TTPA: variants seen among roughly 807,000 people sequenced by gnomAD.
TTPA encodes alpha tocopherol transfer protein, also known as alpha-tocopherol transfer protein.
In TTPA, 23 loss-of-function variants were observed where a neutral mutation model predicts 25.9. That is an observed-to-expected ratio of 0.89 (90% CI 0.64 to 1.26). The LOEUF (loss-of-function observed/expected upper bound fraction) is 1.26. Ranked by LOEUF, TTPA falls within the 50% of genes most tolerant of loss-of-function variation. The probability of loss-of-function intolerance (pLI) is 0.00; values close to 1 mark genes in which losing one functional copy is unlikely to be tolerated. For synonymous variants in TTPA, 148 were observed against 137.3 expected (o/e 1.08, Z -0.54); for missense variants, 337 against 353.1 (o/e 0.95, Z 0.37).
rs556621606 is a variant in TTPA at position 63,074,922 on chromosome 8, A to G, written c.205-1834T>C. Among the ~76,000 whole-genome samples the G allele has an allele frequency of 3.3e-5, 5 of 152,350 alleles. No individual in the cohort carries two copies. The East Asian group carries it at 9.6e-4, about 29-fold the overall frequency. On this transcript the variant is annotated intron_variant, in intron 1 of 4. Transcript: ENST00000260116. ...GGAGATAACAACACGTGTTGAATGAAAGAATAAATTAAGTCATGAGTAAAC... is the reference window on the plus strand; with the variant it reads ...GGAGATAACAACACGTGTTGAATGAGAGAATAAATTAAGTCATGAGTAAAC...
At chr8:63,062,438 G>A (rs1805322650) in intron 4 of TTPA, among the ~76,000 whole-genome samples, 1 of 152,152 alleles carries the variant, frequency 6.6e-6, no homozygotes, top group African/African-American at 2.4e-5. Flanking sequence ...CATCTATTAT[G>A]TGCTGGGATA....
chr8:63,080,039 T>C lies in TTPA; in HGVS notation c.204+5779A>G, dbSNP rs1370383224. Reference sequence around the variant, plus strand: ...ACTCACTCAAAACCGCACAACTACATGGAAACTGAACCACCTGCTCCTGAA... The same window carrying C: ...ACTCACTCAAAACCGCACAACTACACGGAAACTGAACCACCTGCTCCTGAA... On this transcript the variant is annotated intron_variant, in intron 1 of 4. Transcript: ENST00000260116. Among the ~76,000 whole-genome samples, 4 of 152,152 alleles carry C rather than the reference T, an allele frequency of 2.6e-5. No homozygotes were observed. In the South Asian group the frequency reaches 6.2e-4, roughly 24 times the overall value.
intron 1 of TTPA, among the ~76,000 whole-genome samples, chr8:63,075,235 C>T (rs1805544341): frequency 6.6e-6 from 1 of 152,144 alleles, no homozygotes; most frequent in African/African-American, 2.4e-5. Context: ...AGTAAATAAA[C>T]ATTTAAAATG....
intron 1 of TTPA, among the ~76,000 whole-genome samples, chr8:63,073,482 C>A (rs1805514580): frequency 6.6e-6 from 1 of 152,156 alleles, no homozygotes; most frequent in African/African-American, 2.4e-5. Context: ...ACTGTGTGGG[C>A]CAAGCTTTAA....
At chr8:63,080,800 A>G (rs1407810972) in intron 1 of TTPA, among the ~76,000 whole-genome samples, 1 of 151,486 alleles carries the variant, frequency 6.6e-6, no homozygotes, top group African/African-American at 2.4e-5. Flanking sequence ...ACACAAAAAA[A>G]TGATAAAGGG....
In TTPA at chr8:63,086,031, C is replaced by G; in HGVS notation, c.-10G>C. 1.4e-6 allele frequency: 2 copies of G among 1,409,482 alleles called. No individual in the cohort carries two copies. The highest frequency in any genetic ancestry group is 1.8e-6 in the Non-Finnish European group (2 of 1,082,216). 87.3% of individuals were successfully genotyped at this position (1,409,482 alleles called of 1,614,324 possible). A position where few individuals can be genotyped will look rare whatever the true frequency, so the allele number is the denominator to read the frequency against. On this transcript the variant is annotated 5_prime_UTR_variant, in exon 1 of 5. Coordinates refer to ENST00000260116, the MANE Select transcript of TTPA (RefSeq NM_000370.3). ...ATCGCGCCTCTGCCATGCCCGCCGC[C>G]GCTGCTGCGGCCGCAGCTACCCGGG...
chr8:63,065,213 G>A (rs1035725410), intron 3 of TTPA, among the ~76,000 whole-genome samples: 3 of 152,230 alleles, frequency 2.0e-5, no homozygotes, highest in Middle Eastern at 3.4e-3. Flanking sequence ...TTATAAGCAC[G>A]ACTTTTACAT....
rs1345235454 is a variant in TTPA, at chr8:63,060,340, T to C, written c.*912A>G. On this transcript the variant is annotated 3_prime_UTR_variant, in exon 5 of 5. Coordinates refer to ENST00000260116, the MANE Select transcript of TTPA (RefSeq NM_000370.3). ...CCTGACGTATTTTCTAAATTATTTT[T>C]GTTAATCAATTACATCAACATGATT... 1.3e-5 allele frequency: 2 copies of C among 152,222 alleles called. No homozygotes were observed. The highest frequency in any genetic ancestry group is 1.3e-4 in the Admixed American group (2 of 15,284). 9.4% of individuals were successfully genotyped at this position (152,222 alleles called of 1,614,324 possible).
Position 63,072,921 on chromosome 8 carries a change from T to C in TTPA, c.358+14A>G. ...GAGGAGAGGAGAAAAAAAAAAGAGT[T>C]GTGTATGACTTACCGATTCTGTAAA... is the stretch of plus-strand genomic sequence containing the variant. On this transcript the variant is annotated intron_variant, in intron 2 of 4. Coordinates refer to ENST00000260116, the MANE Select transcript of TTPA (RefSeq NM_000370.3). 6.2e-7 allele frequency: 1 copy of C among 1,612,362 alleles called. No homozygotes were observed. The highest frequency in any genetic ancestry group is 8.5e-7 in the Non-Finnish European group (1 of 1,179,550).
rs1805268412 is a variant in TTPA, at chr8:63,059,558, G to C, written c.*1694C>G. On this transcript the variant is annotated 3_prime_UTR_variant, in exon 5 of 5. Transcript: ENST00000260116. ...ACTATTAATGTATATGATTAATGTT[G>C]AAACCTAACTAGCTGAACAAATGTT... Among the ~76,000 whole-genome samples the C allele has an allele frequency of 6.6e-6, 1 of 152,038 alleles. No homozygotes were observed. Among genetic ancestry groups the C allele is most frequent in the Non-Finnish European group, 1.5e-5 (1 of 67,982 alleles).
chr8:63,061,156 G>A lies in TTPA; in HGVS notation c.*96C>T. The A allele has an allele frequency of 1.6e-6, 2 of 1,279,168 alleles. No homozygotes were observed. The highest frequency in any genetic ancestry group is 3.6e-5 in the Admixed American group (2 of 55,234). The allele number at this position is 1,279,168 out of a possible 1,614,324, so 79.2% of individuals were successfully genotyped here. On this transcript the variant is annotated 3_prime_UTR_variant, in exon 5 of 5. Coordinates refer to ENST00000260116, the MANE Select transcript of TTPA (RefSeq NM_000370.3). Reference sequence around the variant, plus strand: ...ATTTTTAAAGTTCAGGCAAGCATTAGTTTAAAAGATTTGCTCCTTTTCTTT... The same window carrying A: ...ATTTTTAAAGTTCAGGCAAGCATTAATTTAAAAGATTTGCTCCTTTTCTTT...
At chr8:63,072,136 C>T (rs989765113) in intron 2 of TTPA, among the ~76,000 whole-genome samples, 3 of 152,166 alleles carry the variant, frequency 2.0e-5, no homozygotes, top group African/African-American at 7.2e-5. Context: ...TCACTCATTC[C>T]ACAAATATTT....
chr8:63,082,380 A>G (rs1805677789), intron 1 of TTPA, among the ~76,000 whole-genome samples: 1 of 152,212 alleles, frequency 6.6e-6, no homozygotes, highest in Non-Finnish European at 1.5e-5. Context: ...TGACAAAAAC[A>G]AAAAATGGGG....
chr8:63,078,728 T>C (rs1346182517), intron 1 of TTPA, among the ~76,000 whole-genome samples: 2 of 152,214 alleles, frequency 1.3e-5, no homozygotes, highest in East Asian at 3.8e-4. Flanking sequence ...TACCTGAAAG[T>C]GATGGGGAGA....
At chr8:63,077,122 A>C (rs1282393391) in intron 1 of TTPA, among the ~76,000 whole-genome samples, 3 of 152,244 alleles carry the variant, frequency 2.0e-5, no homozygotes, top group African/African-American at 7.2e-5. Flanking sequence ...CAAAGGCCTA[A>C]AATATATAAA....
chr8:63,059,279 G>A (rs190343442), downstream of TTPA, among the ~76,000 whole-genome samples: 2,320 of 151,392 alleles, frequency 0.015, 23 homozygotes, highest in Non-Finnish European at 0.022. Flanking sequence ...TGATCCGCCC[G>A]CCTCGGCCTC....
intron 4 of TTPA, among the ~76,000 whole-genome samples, chr8:63,063,434 C>T (rs1333917808): frequency 6.6e-6 from 1 of 152,094 alleles, no homozygotes; most frequent in African/African-American, 2.4e-5. Context: ...ACCTCAGTTA[C>T]CGTGGTTCTC....
intron 1 of TTPA, among the ~76,000 whole-genome samples, chr8:63,075,482 G>A (rs564885088): frequency 6.6e-6 from 1 of 152,146 alleles, no homozygotes; most frequent in African/African-American, 2.4e-5. Flanking sequence ...CACTTTGGGA[G>A]GCCAAAACGG....
rs752104187 is a variant in TTPA at position 63,065,972 on chromosome 8, C to T, written c.484G>A (p.Gly162Ser). 1.2e-5 allele frequency: 20 copies of T among 1,614,076 alleles called. No individual in the cohort carries two copies. In the South Asian group the frequency reaches 2.2e-4, roughly 18 times the overall value. The change falls in exon 3 of 5, where the codon GGT (glycine) becomes AGT (serine). Residue 162 changes from glycine (G) to serine (S), a missense_variant. Coordinates refer to ENST00000260116, the MANE Select transcript of TTPA (RefSeq NM_000370.3). The stretch of plus-strand genomic sequence containing the variant: ...TGAAAAGCATGAGAAAACTGCCAAC[C>T]TTCCAGATCAAAGATAGCCTTGATT... Reference protein sequence around the residue: ...NGIKAIFDLEGWQFSHAFQIT... With the variant: ...NGIKAIFDLESWQFSHAFQIT...
Sources: gnomAD v4.1 joint callset for allele counts (sites outside exome capture counted in the v4.1 genomes callset) on GRCh38, gnomAD v4.1.1 for gene constraint, MANE v1.5 for transcripts, NCBI Gene and HGNC (gene_info 2026-07-23, HGNC 2026-07-21) for gene names.